Variants in KIRREL3 observed in about 807,000 individuals in gnomAD.
KIRREL3 encodes the protein kin of IRRE-like protein 3.
KIRREL3 carries 36 observed loss-of-function variants against 89.7 expected under a neutral mutation model. The observed-to-expected ratio is 0.40, with a 90% confidence interval of 0.31 to 0.53. KIRREL3 has a LOEUF of 0.53. KIRREL3 is among the 20% of genes least tolerant of loss of function. The pLI is 0.49. For synonymous variants in KIRREL3, 445 were observed against 441.4 expected, an observed-to-expected ratio of 1.01 and a Z score of -0.10; for missense variants, 864 against 1,056.6, an observed-to-expected ratio of 0.82 and a Z score of 2.53.
chr11:127,000,826 C>T (rs990978493), upstream of KIRREL3: 5 of 466,710 alleles, frequency 1.1e-5, no homozygotes, highest in Admixed American at 1.5e-4. The surrounding 1 kb of genome is among the most constrained non-coding windows in gnomAD (Gnocchi z 7.1). Context: ...CCACAGTGAG[C>T]GAGCGAGCTA....
At position 126,752,698 on chromosome 11, in the gene KIRREL3, G is replaced by T. The variant is rs1022630681; in HGVS notation, c.56-189786C>A. The stretch of plus-strand genomic sequence containing the variant: ...TGCAAATTCAATTCCTCCTGACAAA[G>T]AAATCTAAATTCATGGATTTTCCCA... On this transcript the variant is annotated intron_variant, in intron 1 of 16. Coordinates refer to ENST00000525144, the MANE Select transcript of KIRREL3 (RefSeq NM_032531.4). This position sits in a 1 kb window ranked among gnomAD's most constrained non-coding sequence, Gnocchi z 4.8. 6.6e-6 allele frequency among the ~76,000 whole-genome samples: 1 copy of T among 151,986 alleles called. No individual in the cohort carries two copies. The highest frequency in any genetic ancestry group is 1.5e-5 in the Non-Finnish European group (1 of 67,978).
chr11:126,788,775 C>T lies in KIRREL3; in HGVS notation c.55+211680G>A, dbSNP rs925267327. ...GTTCAATCTGGAGTCATCCAGGCAGCTGCATGTTGTATTATCCGCATCATA... is the reference window on the plus strand; with the variant it reads ...GTTCAATCTGGAGTCATCCAGGCAGTTGCATGTTGTATTATCCGCATCATA... On this transcript the variant is annotated intron_variant, in intron 1 of 16. Coordinates refer to ENST00000525144, the MANE Select transcript of KIRREL3 (RefSeq NM_032531.4). The surrounding 1 kb of genome is among the most constrained non-coding windows in gnomAD (Gnocchi z 4.1). Among the ~76,000 whole-genome samples, 1 of 152,170 alleles carries T rather than the reference C, an allele frequency of 6.6e-6. No individual in the cohort carries two copies. Among genetic ancestry groups the T allele is most frequent in the Non-Finnish European group, 1.5e-5 (1 of 68,048 alleles).
At position 126,495,080 on chromosome 11, in the gene KIRREL3, C is replaced by T. The variant is rs549648983; in HGVS notation, c.434-21614G>A. 6.6e-6 allele frequency among the ~76,000 whole-genome samples: 1 copy of T among 152,296 alleles called. No individual in the cohort carries two copies. The highest frequency in any genetic ancestry group is 2.1e-4 in the South Asian group (1 of 4,820). On this transcript the variant is annotated intron_variant, in intron 4 of 16. Coordinates refer to ENST00000525144, the MANE Select transcript of KIRREL3 (RefSeq NM_032531.4). The surrounding 1 kb of genome is among the most constrained non-coding windows in gnomAD (Gnocchi z 6.5). ...CAGTGGGCACTGAGCACTTAGCTGG[C>T]CCCTCTTAGGCCCTGACCTCCAGGC...
At position 126,890,154 on chromosome 11, in the gene KIRREL3, T is replaced by A. The variant is rs1235410479; in HGVS notation, c.55+110301A>T. On this transcript the variant is annotated intron_variant, in intron 1 of 16. Coordinates refer to ENST00000525144, the MANE Select transcript of KIRREL3 (RefSeq NM_032531.4). This position sits in a 1 kb window ranked among gnomAD's most constrained non-coding sequence, Gnocchi z 5.1. ...TCTTGAGTTAAAATGAAGATAAAAT[T>A]ATTGGGGAGGTGGGGATAGAGCTGA... Among the ~76,000 whole-genome samples, 1 of 151,968 alleles carries A rather than the reference T, an allele frequency of 6.6e-6. No homozygotes were observed. Among genetic ancestry groups the A allele is most frequent in the Non-Finnish European group, 1.5e-5 (1 of 67,996 alleles).
chr11:126,735,888 C>T (rs1362850596), intron 1 of KIRREL3, among the ~76,000 whole-genome samples: 2 of 152,192 alleles, frequency 1.3e-5, no homozygotes, highest in Non-Finnish European at 2.9e-5. Flanking sequence ...GGGGATCCTT[C>T]CTGATACTGA....
Position 126,424,882 on chromosome 11 carries a change from A to G in KIRREL3, c.2035T>C (p.Tyr679His). 6.2e-7 allele frequency: 1 copy of G among 1,612,828 alleles called. No individual in the cohort carries two copies. Among genetic ancestry groups the G allele is most frequent in the Non-Finnish European group, 8.5e-7 (1 of 1,178,898 alleles). Residue 679 changes from tyrosine (Y) to histidine (H), a missense_variant, in exon 17 of 17, where the codon TAC becomes CAC. Transcript: ENST00000525144. ...CGGCCCTGGCCGCTCAGGGTGCTGT[A>G]GATGTTGGTGAAGGACATGCCTGTG... The part of the protein sequence containing the change: ...VPTGMSFTNI[Y>H]STLSGQGRLY...
rs1956564825 is a variant in KIRREL3 at position 126,462,061 on chromosome 11, C to T, written c.742+1096G>A. On this transcript the variant is annotated intron_variant, in intron 6 of 16. Transcript: ENST00000525144. The surrounding 1 kb of genome is among the most constrained non-coding windows in gnomAD (Gnocchi z 4.8). Reference sequence around the variant, plus strand: ...CTTGAGAGGAAGGCCCCTGGAACACCTTGCTGAGCTCTTCTTGGTTCTGGG... The same window carrying T: ...CTTGAGAGGAAGGCCCCTGGAACACTTTGCTGAGCTCTTCTTGGTTCTGGG... 6.6e-6 allele frequency among the ~76,000 whole-genome samples: 1 copy of T among 152,126 alleles called. No homozygotes were observed. Among genetic ancestry groups the T allele is most frequent in the African/African-American group, 2.4e-5 (1 of 41,418 alleles).
chr11:126,756,729 C>T (rs1341147732), intron 1 of KIRREL3, among the ~76,000 whole-genome samples: 3 of 152,252 alleles, frequency 2.0e-5, no homozygotes, highest in Non-Finnish European at 2.9e-5. Context: ...GACATCTGCT[C>T]TCCATTCCAC....
intron 1 of KIRREL3, among the ~76,000 whole-genome samples, chr11:126,857,639 T>A (rs952632304): frequency 6.6e-6 from 1 of 152,112 alleles, no homozygotes; most frequent in African/African-American, 2.4e-5. Flanking sequence ...CATGGTCATA[T>A]GTCTTAAAGC....
chr11:126,831,784 G>A (rs528737304), intron 1 of KIRREL3, among the ~76,000 whole-genome samples: 12 of 152,216 alleles, frequency 7.9e-5, no homozygotes, highest in South Asian at 2.1e-4. Context: ...GCATGAACCC[G>A]AAGTTGTAAA....
At chr11:126,840,692 G>A (rs992177651) in intron 1 of KIRREL3, among the ~76,000 whole-genome samples, 1 of 152,200 alleles carries the variant, frequency 6.6e-6, no homozygotes. Flanking sequence ...ATCCTGCTCA[G>A]ACCTTGAATC....
intron 4 of KIRREL3, among the ~76,000 whole-genome samples, chr11:126,512,853 G>T (rs370606949): frequency 3.7e-4 from 56 of 152,328 alleles, no homozygotes; most frequent in African/African-American, 1.3e-3. Flanking sequence ...AAATGAGAGA[G>T]AATCACAGTC....
In KIRREL3 at chr11:126,734,534, G is replaced by A. The variant is rs536426770; in HGVS notation, c.56-171622C>T. ...CAAAATCAGCTGGGCATGGCAGCGC[G>A]TGCCTGTAATCCCAGCTACTTGGGA... On this transcript the variant is annotated intron_variant, in intron 1 of 16. Transcript: ENST00000525144. The surrounding 1 kb of genome is among the most constrained non-coding windows in gnomAD (Gnocchi z 5.9). Among the ~76,000 whole-genome samples the A allele has an allele frequency of 1.4e-3, 207 of 152,200 alleles. No individual in the cohort carries two copies. The highest frequency in any genetic ancestry group is 4.5e-3 in the African/African-American group (187 of 41,544).
At chr11:126,465,559 C>T (rs944253773) in intron 5 of KIRREL3, among the ~76,000 whole-genome samples, 2 of 152,212 alleles carry the variant, frequency 1.3e-5, no homozygotes, top group African/African-American at 2.4e-5. Flanking sequence ...GGGCAAACCT[C>T]GTGGCGTCAG....
intron 2 of KIRREL3, among the ~76,000 whole-genome samples, chr11:126,540,494 A>G (rs964389632): frequency 8.5e-5 from 13 of 152,116 alleles, no homozygotes; most frequent in South Asian, 6.2e-4. Flanking sequence ...TTTAACGAAG[A>G]GCAATCGGGC....
intron 1 of KIRREL3, among the ~76,000 whole-genome samples, chr11:126,942,333 G>GTCATCA (rs908803200): frequency 3.3e-5 from 5 of 151,902 alleles, no homozygotes; most frequent in Admixed American, 2.6e-4. Flanking sequence ...TTAACATGAT[G>GTCATCA]TCATCATCAT....
At chr11:126,556,912 C>T (rs1216429746) in intron 2 of KIRREL3, among the ~76,000 whole-genome samples, 2 of 152,188 alleles carry the variant, frequency 1.3e-5, no homozygotes, top group African/African-American at 2.4e-5. Context: ...TTTGCAGCCC[C>T]AGTGGAAGAA....
rs1407277383 is a variant in KIRREL3, at chr11:126,526,218, C to T, written c.283+320G>A. ...TACATCTTGGGCCAAGACACAGGAA[C>T]ACTTGATTTCTGGAAACTGGAATTT... is the stretch of plus-strand genomic sequence containing the variant. On this transcript the variant is annotated intron_variant, in intron 3 of 16. Transcript: ENST00000525144. This position sits in a 1 kb window ranked among gnomAD's most constrained non-coding sequence, Gnocchi z 5.7. Among the ~76,000 whole-genome samples the T allele has an allele frequency of 1.3e-5, 2 of 152,170 alleles. No individual in the cohort carries two copies. The highest frequency in any genetic ancestry group is 4.8e-5 in the African/African-American group (2 of 41,436).
Position 126,424,560 on chromosome 11 carries a change from C to T in KIRREL3, c.*20G>A, listed in dbSNP as rs1481309797. On this transcript the variant is annotated 3_prime_UTR_variant, in exon 17 of 17. Coordinates refer to ENST00000525144, the MANE Select transcript of KIRREL3 (RefSeq NM_032531.4). ...CCCTGACCTCTTCCCTGGCCCGTCCCCACCCGCGGTGTGTGATCCTTAGAC... is the reference window on the plus strand; with the variant it reads ...CCCTGACCTCTTCCCTGGCCCGTCCTCACCCGCGGTGTGTGATCCTTAGAC... The T allele has an allele frequency of 6.2e-7, 1 of 1,611,160 alleles. No individual in the cohort carries two copies.
Sources: allele counts gnomAD v4.1 joint callset (sites outside exome capture counted in the v4.1 genomes callset), GRCh38; gene constraint gnomAD v4.1.1; non-coding constraint Gnocchi (gnomAD v3.1); transcripts MANE v1.5; gene names NCBI Gene and HGNC (gene_info 2026-07-23, HGNC 2026-07-21).